The following GSG1L variants were observed in gnomAD, a reference collection of about 807,000 sequenced individuals.
GSG1L encodes the protein germ cell-specific gene 1-like protein.
GSG1L carries 24 observed loss-of-function variants against 42.1 expected under a neutral mutation model. The ratio of observed to expected loss-of-function variants is 0.57; its 90% CI spans 0.41 to 0.80. The LOEUF (loss-of-function observed/expected upper bound fraction) is 0.80, where lower values mean the gene tolerates loss of function less well. GSG1L is among the 30% of genes least tolerant of loss of function. The pLI is 0.00. For synonymous variants in GSG1L, 215 were observed against 203.5 expected (o/e 1.06, Z -0.48); for missense variants, 445 against 472.2 (o/e 0.94, Z 0.53).
At chr16:27,802,496 C>A (rs2082894755) in intron 6 of GSG1L, among the ~76,000 whole-genome samples, 1 of 152,122 alleles carries the variant, frequency 6.6e-6, no homozygotes, top group South Asian at 2.1e-4. Context: ...AAAAGGTACA[C>A]CTGGCGCAGG....
At position 28,063,257 on chromosome 16, in the gene GSG1L, GC is replaced by G; in HGVS notation, c.167del (p.Gly56AlafsTer137). On this transcript the variant is annotated frameshift_variant, in exon 1 of 7. Coordinates refer to ENST00000447459, the MANE Select transcript of GSG1L (RefSeq NM_001109763.2). LOFTEE classifies it high-confidence loss of function. This position sits in a 1 kb window ranked among gnomAD's most constrained non-coding sequence, Gnocchi z 5.8. ...QGGRANCPNS[G>X]ANATANGTAA... ...CGGTGCCGTTGGCCGTGGCGTTGGC[GC>G]CCGAGTTGGGGCAGTTGGCGCGCCC... is the stretch of plus-strand genomic sequence containing the variant. 7.6e-7 allele frequency: 1 copy of G among 1,315,114 alleles called. No homozygotes were observed. The highest frequency in any genetic ancestry group is 9.7e-7 in the Non-Finnish European group (1 of 1,028,708). The allele number at this position is 1,315,114 out of a possible 1,614,324, so 81.5% of individuals were successfully genotyped here.
intron 6 of GSG1L, among the ~76,000 whole-genome samples, chr16:27,793,816 G>A (rs1022920796): frequency 1.3e-5 from 2 of 152,162 alleles, no homozygotes; most frequent in South Asian, 4.1e-4. Context: ...TGTATACAGA[G>A]GAGAACACTC....
intron 3 of GSG1L, among the ~76,000 whole-genome samples, chr16:27,872,809 T>C (rs1211032191): frequency 1.3e-5 from 2 of 152,178 alleles, no homozygotes; most frequent in East Asian, 1.9e-4. Context: ...GAAGTTACCA[T>C]GTATGGTCTA....
Position 27,802,192 on chromosome 16 carries a change from C to A in GSG1L, c.898+5295G>T, listed in dbSNP as rs1191798148. Among the ~76,000 whole-genome samples the A allele has an allele frequency of 5.9e-5, 9 of 152,298 alleles. No individual in the cohort carries two copies. The South Asian group carries it at 1.9e-3, about 32-fold the overall frequency. The stretch of plus-strand genomic sequence containing the variant: ...GCTTGGGTCTGTCTCCCCAACAAGA[C>A]TTGGAAGTCAACAGGGTCCAGCAAC... On this transcript the variant is annotated intron_variant, in intron 6 of 6. Coordinates refer to ENST00000447459, the MANE Select transcript of GSG1L (RefSeq NM_001109763.2).
intron 1 of GSG1L, among the ~76,000 whole-genome samples, chr16:28,044,223 A>G (rs573593596): frequency 2.6e-5 from 4 of 151,042 alleles, no homozygotes; most frequent in Non-Finnish European, 3.0e-5. Context: ...CTAAAGTCAC[A>G]CAAATTAGCC....
chr16:28,017,833 C>G (rs377137722), intron 1 of GSG1L, among the ~76,000 whole-genome samples: 1 of 152,060 alleles, frequency 6.6e-6, no homozygotes, highest in East Asian at 1.9e-4. Flanking sequence ...TCAGGAATGG[C>G]AGAAAGTGAC....
At chr16:27,908,340 C>T (rs2084343953) in intron 2 of GSG1L, among the ~76,000 whole-genome samples, 1 of 152,218 alleles carries the variant, frequency 6.6e-6, no homozygotes, top group Non-Finnish European at 1.5e-5. Context: ...GCAGTAAACG[C>T]TTATACTTGC....
chr16:27,954,744 C>T (rs868442477), intron 2 of GSG1L, among the ~76,000 whole-genome samples: 7 of 152,146 alleles, frequency 4.6e-5, no homozygotes, highest in Non-Finnish European at 7.3e-5. Context: ...GCCTTGAACT[C>T]CCCAGCTCAA....
At chr16:27,870,557 A>G (rs2083807049) in intron 3 of GSG1L, among the ~76,000 whole-genome samples, 1 of 150,910 alleles carries the variant, frequency 6.6e-6, no homozygotes, top group Non-Finnish European at 1.5e-5. Context: ...TTACCTTATC[A>G]GGGGCCCTCC....
At chr16:27,995,563 C>T (rs566546446) in intron 1 of GSG1L, among the ~76,000 whole-genome samples, 1 of 152,072 alleles carries the variant, frequency 6.6e-6, no homozygotes, top group Non-Finnish European at 1.5e-5. Context: ...TGTTTAAAGA[C>T]CACAGGGACA....
chr16:27,876,712 C>T (rs1172809468), intron 3 of GSG1L, among the ~76,000 whole-genome samples: 2 of 152,146 alleles, frequency 1.3e-5, no homozygotes, highest in Non-Finnish European at 2.9e-5. Context: ...GCCTCCAGGT[C>T]CCCAAACTCC....
intron 2 of GSG1L, among the ~76,000 whole-genome samples, chr16:27,952,117 CA>C (rs1214890886): frequency 6.6e-6 from 1 of 152,238 alleles, no homozygotes; most frequent in Non-Finnish European, 1.5e-5. Context: ...CTTCAGGAGT[CA>C]GATCCAGGTT....
At chr16:28,057,377 G>A (rs1262785222) in intron 1 of GSG1L, among the ~76,000 whole-genome samples, 1 of 152,152 alleles carries the variant, frequency 6.6e-6, no homozygotes, top group Non-Finnish European at 1.5e-5. Flanking sequence ...TTGGAGGCCT[G>A]AGCTCCTAGA....
intron 1 of GSG1L, among the ~76,000 whole-genome samples, chr16:27,992,001 A>G (rs1022847589): frequency 7.9e-5 from 12 of 152,308 alleles, no homozygotes; most frequent in African/African-American, 2.9e-4. Context: ...AGCCTGTTGC[A>G]TGGCAAGAGC....
chr16:27,941,631 C>T (rs949601052), intron 2 of GSG1L, among the ~76,000 whole-genome samples: 1 of 149,338 alleles, frequency 6.7e-6, no homozygotes, highest in Non-Finnish European at 1.5e-5. Flanking sequence ...CAAGATTGTG[C>T]CACTGCACTC....
chr16:27,818,420 T>C (rs1178341013), intron 5 of GSG1L, among the ~76,000 whole-genome samples: 1 of 152,152 alleles, frequency 6.6e-6, no homozygotes, highest in African/African-American at 2.4e-5. Flanking sequence ...GTGAAGGCTC[T>C]GAATCTCCAC....
intron 1 of GSG1L, among the ~76,000 whole-genome samples, chr16:27,981,517 C>T (rs2085326469): frequency 6.6e-6 from 1 of 152,182 alleles, no homozygotes; most frequent in Non-Finnish European, 1.5e-5. Flanking sequence ...TCCTTGGATT[C>T]TCCGGAGGCC....
chr16:27,848,714 T>C (rs2083470075), intron 3 of GSG1L, among the ~76,000 whole-genome samples: 1 of 151,328 alleles, frequency 6.6e-6, no homozygotes, highest in Non-Finnish European at 1.5e-5. Context: ...TCCTTGGAGG[T>C]GGGGGGCACT....
chr16:28,039,955 C>T (rs976317021), intron 1 of GSG1L, among the ~76,000 whole-genome samples: 3 of 152,172 alleles, frequency 2.0e-5, no homozygotes, highest in African/African-American at 7.2e-5. Context: ...TGTCCCCGCG[C>T]CCCTCCCTCG....
Sources: gnomAD v4.1 joint callset for allele counts (sites outside exome capture counted in the v4.1 genomes callset) on GRCh38, gnomAD v4.1.1 for gene constraint, Gnocchi (gnomAD v3.1) non-coding constraint, MANE v1.5 for transcripts, NCBI Gene and HGNC (gene_info 2026-07-23, HGNC 2026-07-21) for gene names.